PDXDC1: variants seen among roughly 807,000 people sequenced by gnomAD.
PDXDC1 encodes the protein pyridoxal dependent decarboxylase domain containing 1, also known as pyridoxal-dependent decarboxylase domain-containing protein 1.
In PDXDC1, 42 loss-of-function variants were observed where a neutral mutation model predicts 100.1. The observed-to-expected ratio is 0.42, with a 90% confidence interval of 0.33 to 0.54. The LOEUF (loss-of-function observed/expected upper bound fraction) is 0.54, where lower values mean the gene tolerates loss of function less well. Among genes scored for constraint, PDXDC1 ranks in the 20% least tolerant of loss-of-function variants. PDXDC1 has a pLI of 0.10. For synonymous variants in PDXDC1, 260 were observed against 371.7 expected (o/e 0.70, Z 3.46); for missense variants, 636 against 979.2 (o/e 0.65, Z 4.68).
intron 16 of PDXDC1, among the ~76,000 whole-genome samples, chr16:15,096,554 A>G (rs1159089623): frequency 6.6e-6 from 1 of 152,240 alleles, no homozygotes; most frequent in African/African-American, 2.4e-5. Flanking sequence ...AGAGGAAATA[A>G]TTGCACCGTA....
rs1300941708 is a variant in PDXDC1 at position 15,086,410 on chromosome 16, G to C, written c.1400-52469G>C. On this transcript the variant is annotated intron_variant, in intron 16 of 16. Transcript: ENST00000535621. ...GCTCAAAGTCTTTTGTCAAGTACATGATAGAAGAACGGAATTCTAGCAGCC... is the reference window on the plus strand; with the variant it reads ...GCTCAAAGTCTTTTGTCAAGTACATCATAGAAGAACGGAATTCTAGCAGCC... 3.1e-6 allele frequency: 5 copies of C among 1,613,562 alleles called. No individual in the cohort carries two copies. In the African/African-American group the frequency reaches 4.0e-5, roughly 13 times the overall value.
At chr16:14,983,912 C>T (rs1367067711) in intron 1 of PDXDC1, among the ~76,000 whole-genome samples, 1 of 152,230 alleles carries the variant, frequency 6.6e-6, no homozygotes, top group Non-Finnish European at 1.5e-5. Context: ...CCTGTAATTT[C>T]AACACTTTGG....
intron 16 of PDXDC1, among the ~76,000 whole-genome samples, chr16:15,049,523 G>A (rs1406498805): frequency 6.6e-6 from 1 of 151,876 alleles, no homozygotes; most frequent in Non-Finnish European, 1.5e-5. Context: ...CCACCTCCCA[G>A]GTTCAAGCGA....
chr16:15,048,832 C>T (rs1158108088), intron 16 of PDXDC1, among the ~76,000 whole-genome samples: 3 of 151,262 alleles, frequency 2.0e-5, no homozygotes, highest in African/African-American at 7.3e-5. Flanking sequence ...CTATGCTCCC[C>T]AGGCTGGTCT....
Position 15,037,777 on chromosome 16 carries a change from CTCTGCCCGTTA to C in PDXDC1, c.*1504_*1514del, listed in dbSNP as rs1333845381. The C allele has an allele frequency of 3.4e-5, 13 of 386,880 alleles. No homozygotes were observed. The highest frequency in any genetic ancestry group is 5.0e-5 in the Non-Finnish European group (11 of 218,544). 24.0% of individuals were successfully genotyped at this position (386,880 alleles called of 1,614,324 possible). A position where few individuals can be genotyped will look rare whatever the true frequency, so the allele number is the denominator to read the frequency against. On this transcript the variant is annotated 3_prime_UTR_variant, in exon 23 of 23. Transcript: ENST00000396410. ...ATAGACCAGTGAGAGGTAGGTTCTC[CTCTGCCCGTTA>C]TTACCGACCAAAAAAAAAACTGGAC...
chr16:15,149,968 C>A, the PDXDC1 span, among the ~76,000 whole-genome samples: 1 of 152,280 alleles, frequency 6.6e-6, no homozygotes, highest in Admixed American at 6.5e-5. Context: ...CCCCAAGACA[C>A]AGCGAGAAAT....
At chr16:15,011,631 CTTTTTTT>C in intron 8 of PDXDC1, among the ~76,000 whole-genome samples, 8 of 131,274 alleles carry the variant, frequency 6.1e-5, no homozygotes, top group East Asian at 2.2e-4. Context: ...ACATTTTTTT[CTTTTTTT>C]TTTTTTTTTT....
the PDXDC1 span, among the ~76,000 whole-genome samples, chr16:15,145,130 C>A: frequency 6.6e-6 from 1 of 152,222 alleles, no homozygotes; most frequent in African/African-American, 2.4e-5. Flanking sequence ...CCCGGGCAGC[C>A]AGCAGGGTCC....
intron 8 of PDXDC1, among the ~76,000 whole-genome samples, chr16:15,013,360 A>AG (rs1491480174): frequency 2.4e-5 from 2 of 83,122 alleles, no homozygotes; most frequent in Admixed American, 3.6e-4. Flanking sequence ...AAAAAAAAAG[A>AG]AAAAAAAAAA....
In PDXDC1 at chr16:15,067,095, A is replaced by T. The variant is rs910560338; in HGVS notation, c.1399+37039A>T. ...ACTGCCGTTGCTTATTGGTCTCTTT[A>T]TGCCTTTTCCTAATCCTTTACTATC... On this transcript the variant is annotated intron_variant, in intron 16 of 16. Coordinates refer to the PDXDC1 transcript ENST00000535621. Among the ~76,000 whole-genome samples, 147 of 147,364 alleles carry T rather than the reference A, an allele frequency of 1.0e-3. 2 individuals are homozygous for T. Among genetic ancestry groups the T allele is most frequent in the Non-Finnish European group, 1.9e-3 (128 of 66,370 alleles).
intron 1 of PDXDC1, among the ~76,000 whole-genome samples, chr16:14,983,278 A>G (rs1968419550): frequency 6.6e-6 from 1 of 152,296 alleles, no homozygotes; most frequent in South Asian, 2.1e-4. Flanking sequence ...GCTTCTCTTA[A>G]AAGCCTTCTC....
In PDXDC1 at chr16:15,036,871, G is replaced by C. The variant is rs111652122; in HGVS notation, c.*596G>C. On this transcript the variant is annotated 3_prime_UTR_variant, in exon 23 of 23. Transcript: ENST00000396410. ...CTACTTGAGCTGTGGCAAGGCTGCT[G>C]TCTGGGACTGTCCTCTGCCACAAGG... 7.8e-3 allele frequency: 1,206 copies of C among 155,048 alleles called. 7 individuals are homozygous for C. The highest frequency in any genetic ancestry group is 0.027 in the Middle Eastern group (8 of 294). The allele number at this position is 155,048 out of a possible 1,614,324, so 9.6% of individuals were successfully genotyped here. A position where few individuals can be genotyped will look rare whatever the true frequency, so the allele number is the denominator to read the frequency against.
chr16:15,011,601 C>G (rs1292198699), intron 8 of PDXDC1, among the ~76,000 whole-genome samples: 1 of 150,594 alleles, frequency 6.6e-6, no homozygotes, highest in East Asian at 1.9e-4. Context: ...AAGTTACAGA[C>G]TGGGAGAAAT....
chr16:14,990,018 T>G, intron 1 of PDXDC1: 2 of 1,475,502 alleles, frequency 1.4e-6, no homozygotes, highest in Non-Finnish European at 1.8e-6. Context: ...GGGAAGCAGG[T>G]GCAGGCCGCC....
chr16:14,993,731 A>G (rs1359599641), intron 1 of PDXDC1, among the ~76,000 whole-genome samples: 1 of 152,306 alleles, frequency 6.6e-6, no homozygotes, highest in Non-Finnish European at 1.5e-5. Context: ...GACTTCCACA[A>G]TGGTTGAACT....
chr16:15,031,339 G>C (rs1043142694), intron 16 of PDXDC1, among the ~76,000 whole-genome samples: 1 of 152,060 alleles, frequency 6.6e-6, no homozygotes, highest in African/African-American at 2.4e-5. Flanking sequence ...TCCTTCCTGT[G>C]TGGGGACAGC....
At chr16:15,104,417 AGATTAT>A (rs2046691120) in intron 16 of PDXDC1, 3 of 1,451,700 alleles carry the variant, frequency 2.1e-6, no homozygotes, top group African/African-American at 3.5e-5. Flanking sequence ...AGGTGTCTTG[AGATTAT>A]CATCCGCTGA....
rs1349093230 is a variant in PDXDC1, at chr16:15,028,013, C to G, written c.1205-865C>G. Among the ~76,000 whole-genome samples the G allele has an allele frequency of 3.3e-5, 5 of 152,286 alleles. No individual in the cohort carries two copies. In the South Asian group the frequency reaches 1.0e-3, roughly 32 times the overall value. ...CACGCTCTTCCCTTCCCAGCACTCC[C>G]GTATCAGTGTCACTTCCCTGCCCAG... On this transcript the variant is annotated intron_variant, in intron 14 of 22. Transcript: ENST00000396410.
chr16:15,122,650 C>T (rs936291485), intron 16 of PDXDC1, among the ~76,000 whole-genome samples: 3 of 151,162 alleles, frequency 2.0e-5, no homozygotes. Context: ...CACAGGTGGA[C>T]TGATGGCTGA....
Sources: gnomAD v4.1 joint callset for allele counts (sites outside exome capture counted in the v4.1 genomes callset) on GRCh38, gnomAD v4.1.1 for gene constraint, MANE v1.5 for transcripts, NCBI Gene and HGNC (gene_info 2026-07-23, HGNC 2026-07-21) for gene names.